Variants in CCDC62 observed in about 807,000 individuals in gnomAD.
CCDC62 encodes coiled-coil domain containing 62.
CCDC62 carries 72 observed loss-of-function variants against 80.8 expected under a neutral mutation model. The ratio of observed to expected loss-of-function variants is 0.89; its 90% CI spans 0.74 to 1.08. CCDC62 has a LOEUF of 1.08. CCDC62 is among the 50% of genes least tolerant of loss of function. The probability of loss-of-function intolerance (pLI) is 0.00; values close to 1 mark genes in which losing one functional copy is unlikely to be tolerated. For missense variants in CCDC62, 704 were observed against 809.4 expected (o/e 0.87, Z 1.58); for synonymous variants, 286 against 296.5 (o/e 0.96, Z 0.36).
intron 6 of CCDC62, among the ~76,000 whole-genome samples, chr12:122,795,694 G>T (rs532686594): frequency 6.6e-6 from 1 of 152,174 alleles, no homozygotes; most frequent in Admixed American, 6.5e-5. Flanking sequence ...AAAGTGCTGG[G>T]ATTACAGGCG....
At chr12:122,806,863 AAAAAAG>A (rs1327763775) in intron 10 of CCDC62, among the ~76,000 whole-genome samples, 2 of 150,936 alleles carry the variant, frequency 1.3e-5, no homozygotes, top group Middle Eastern at 6.8e-3. Flanking sequence ...AAAAAGAAAG[AAAAAAG>A]AAAAAGAAAA....
chr12:122,793,511 G>T (rs778655806), intron 6 of CCDC62, among the ~76,000 whole-genome samples: 3 of 128,032 alleles, frequency 2.3e-5, no homozygotes, highest in Admixed American at 8.7e-5. Flanking sequence ...GGCAGGGAAT[G>T]GAATGCAGTT....
At chr12:122,776,006 G>T (rs902601122) in intron 1 of CCDC62, among the ~76,000 whole-genome samples, 1 of 151,668 alleles carries the variant, frequency 6.6e-6, no homozygotes, top group African/African-American at 2.4e-5. Flanking sequence ...TGTCTTTAAG[G>T]TGGAACTCTA....
intron 11 of CCDC62, among the ~76,000 whole-genome samples, chr12:122,815,225 C>A (rs906505027): frequency 6.6e-6 from 1 of 151,978 alleles, no homozygotes; most frequent in Non-Finnish European, 1.5e-5. Flanking sequence ...ATTACACGTA[C>A]ACGAAACCAC....
At chr12:122,818,575 T>C (rs2135591555) in intron 11 of CCDC62, among the ~76,000 whole-genome samples, 1 of 151,748 alleles carries the variant, frequency 6.6e-6, no homozygotes, top group South Asian at 2.1e-4. Context: ...TGAGCTATGA[T>C]CACACCACTG....
intron 11 of CCDC62, 23 bp from the exon 12 acceptor site, chr12:122,823,343 C>T: frequency 1.9e-6 from 3 of 1,586,810 alleles, no homozygotes; most frequent in Non-Finnish European, 2.6e-6. Flanking sequence ...ATCCTGAATA[C>T]TAATCTGGGA....
At chr12:122,786,331 G>C (rs1221141373) in intron 4 of CCDC62, among the ~76,000 whole-genome samples, 1 of 151,798 alleles carries the variant, frequency 6.6e-6, no homozygotes, top group East Asian at 2.0e-4. Context: ...TGTATTTTTA[G>C]TAGAGACGGG....
At chr12:122,814,725 C>T (rs1275398608) in intron 11 of CCDC62, among the ~76,000 whole-genome samples, 1 of 152,094 alleles carries the variant, frequency 6.6e-6, no homozygotes, top group Non-Finnish European at 1.5e-5. Flanking sequence ...CCAGGCTGGT[C>T]TCGAACTCCT....
Position 122,778,356 on chromosome 12 carries a change from A to C in CCDC62, c.229+673A>C, listed in dbSNP as rs1044031213. On this transcript the variant is annotated intron_variant, in intron 2 of 12. Coordinates refer to ENST00000253079, the MANE Select transcript of CCDC62 (RefSeq NM_201435.5). The stretch of plus-strand genomic sequence containing the variant: ...GGGACAGAACAAGACCCTGTCCCAA[A>C]AAAAAAAAAAAAAAATTATAGCTGT... 1.2e-4 allele frequency among the ~76,000 whole-genome samples: 14 copies of C among 116,384 alleles called. No homozygotes were observed. In the South Asian group the frequency reaches 1.2e-3, roughly 10 times the overall value. The allele number at this position is 116,384 out of a possible 152,430, so 76.4% of individuals were successfully genotyped here.
At chr12:122,822,158 C>T (rs757581760) in intron 11 of CCDC62, among the ~76,000 whole-genome samples, 2 of 145,548 alleles carry the variant, frequency 1.4e-5, no homozygotes. Flanking sequence ...AGCTGGAGTG[C>T]AGTGTCGTGA....
At position 122,823,455 on chromosome 12, in the gene CCDC62, C is replaced by G. The variant is rs202202427; in HGVS notation, c.*36C>G. On this transcript the variant is annotated 3_prime_UTR_variant, in exon 12 of 13. Transcript: ENST00000253079. Reference sequence around the variant, plus strand: ...AGGCAACTTCAGTATTCATCGTGATCACGAGTAAGTCACCTTTGCTTATCT... The same window carrying G: ...AGGCAACTTCAGTATTCATCGTGATGACGAGTAAGTCACCTTTGCTTATCT... 7 of 1,462,624 alleles carry G rather than the reference C, an allele frequency of 4.8e-6. No homozygotes were observed. In the East Asian group the frequency reaches 6.8e-5, roughly 14 times the overall value. The allele number at this position is 1,462,624 out of a possible 1,614,324, so 90.6% of individuals were successfully genotyped here.
At chr12:122,798,510 C>T (rs946120803) in intron 8 of CCDC62, among the ~76,000 whole-genome samples, 12 of 151,446 alleles carry the variant, frequency 7.9e-5, no homozygotes, top group Non-Finnish European at 1.6e-4. Flanking sequence ...GGCTGAGGCA[C>T]GAGAATCGCT....
intron 11 of CCDC62, among the ~76,000 whole-genome samples, chr12:122,822,642 T>TACA (rs2032461176): frequency 7.6e-6 from 1 of 131,120 alleles, no homozygotes; most frequent in African/African-American, 3.3e-5. Flanking sequence ...GGTGCGATCT[T>TACA]GGCTCACTGT....
In CCDC62 at chr12:122,801,303, T is replaced by C. The variant is rs147898872; in HGVS notation, c.1157T>C (p.Val386Ala). Residue 386 changes from valine (V) to alanine (A), a missense_variant, in exon 9 of 13, where the codon GTG (valine) becomes GCG (alanine). Val to Ala is a moderately conservative substitution (Grantham distance 64). Coordinates refer to ENST00000253079, the MANE Select transcript of CCDC62 (RefSeq NM_201435.5). ...CKEKKQQIDT[V>A]FGEKSVITLS... The stretch of plus-strand genomic sequence containing the variant: ...GAGAAGAAACAACAGATCGATACTG[T>C]GTTTGGGGAGAAAAGTGTAATTACG... 2 of 1,613,982 alleles carry C rather than the reference T, an allele frequency of 1.2e-6. No homozygotes were observed. Among genetic ancestry groups the C allele is most frequent in the Non-Finnish European group, 1.7e-6 (2 of 1,180,020 alleles).
rs570375483 is a variant in CCDC62, at chr12:122,813,425, C to T, written c.2001+6C>T. On this transcript the variant is annotated splice_donor_region_variant and intron_variant, in intron 11 of 12. Coordinates refer to ENST00000253079, the MANE Select transcript of CCDC62 (RefSeq NM_201435.5). ...TCACTGGCAGTGCCACAAATGTATG[C>T]GTTTCATTTTCTCTTGACTATATTT... 42 of 1,608,544 alleles carry T rather than the reference C, an allele frequency of 2.6e-5. No individual in the cohort carries two copies. The highest frequency in any genetic ancestry group is 1.4e-4 in the South Asian group (13 of 90,414).
chr12:122,800,172 T>TC (rs1261407797), intron 8 of CCDC62, among the ~76,000 whole-genome samples: 1 of 137,644 alleles, frequency 7.3e-6, no homozygotes, highest in African/African-American at 2.6e-5. Flanking sequence ...TACTTTTTTT[T>TC]TTTTTTTTTT....
chr12:122,811,821 CAAAAAAAAAA>C lies in CCDC62; in HGVS notation c.1852-1426_1852-1417del, dbSNP rs67025764. Among the ~76,000 whole-genome samples the C allele has an allele frequency of 2.6e-4, 9 of 34,666 alleles. 1 individual carries two copies. In the South Asian group the frequency reaches 8.3e-3, roughly 32 times the overall value. The allele number at this position is 34,666 out of a possible 152,430, so 22.7% of individuals were successfully genotyped here. On this transcript the variant is annotated intron_variant, in intron 10 of 12. Transcript: ENST00000253079. ...TGGCAACAGAGTGAGACTCCATCTGCAAAAAAAAAAAAAAAAAAAAAAAAAAAAAAAATTC... is the reference window on the plus strand; with the variant it reads ...TGGCAACAGAGTGAGACTCCATCTGCAAAAAAAAAAAAAAAAAAAAAATTC...
chr12:122,808,995 C>G (rs1002008119), intron 10 of CCDC62, among the ~76,000 whole-genome samples: 1 of 152,140 alleles, frequency 6.6e-6, no homozygotes, highest in Non-Finnish European at 1.5e-5. Flanking sequence ...AACTTTCATT[C>G]CCCTAATGAC....
chr12:122,811,990 T>C (rs2031912916), intron 10 of CCDC62, among the ~76,000 whole-genome samples: 1 of 151,620 alleles, frequency 6.6e-6, no homozygotes, highest in East Asian at 1.9e-4. Flanking sequence ...GCCTTTAATG[T>C]TGTCCTATTT....
Sources: gnomAD v4.1 joint callset for allele counts (sites outside exome capture counted in the v4.1 genomes callset) on GRCh38, gnomAD v4.1.1 for gene constraint, MANE v1.5 for transcripts, NCBI Gene and HGNC (gene_info 2026-07-23, HGNC 2026-07-21) for gene names.